TENM2: variants seen among roughly 807,000 people sequenced by gnomAD.
TENM2 encodes the protein teneurin-2.
Under a neutral mutation model 245.2 loss-of-function variants are expected in TENM2, and 52 were observed. That is an observed-to-expected ratio of 0.21 (90% CI 0.17 to 0.27). The LOEUF is 0.27. Among genes scored for constraint, TENM2 ranks in the 10% least tolerant of loss-of-function variants. TENM2 has a pLI of 1.00. For synonymous variants in TENM2, 1,363 were observed against 1,438.9 expected (o/e 0.95, Z 1.19); for missense variants, 3,046 against 3,666.8 (o/e 0.83, Z 4.37).
the TENM2 span, among the ~76,000 whole-genome samples, chr5:167,036,554 A>G: frequency 6.6e-6 from 1 of 152,198 alleles, no homozygotes; most frequent in African/African-American, 2.4e-5. Context: ...GGATTCTTAA[A>G]TTATATCAAT....
At chr5:167,808,756 C>T (rs1020560334) in intron 2 of TENM2, among the ~76,000 whole-genome samples, 2 of 151,978 alleles carry the variant, frequency 1.3e-5, no homozygotes, top group Non-Finnish European at 2.9e-5. Flanking sequence ...GTATCTTTGT[C>T]AATAATGCAA....
At chr5:167,413,284 A>T (rs1763001164) in intron 2 of TENM2, among the ~76,000 whole-genome samples, 1 of 152,112 alleles carries the variant, frequency 6.6e-6, no homozygotes, top group South Asian at 2.1e-4. Context: ...CTCTGAAATA[A>T]CATGTAGGTC....
chr5:167,015,714 TCA>T, the TENM2 span, among the ~76,000 whole-genome samples: 1 of 152,176 alleles, frequency 6.6e-6, no homozygotes, highest in African/African-American at 2.4e-5. Flanking sequence ...ACATTAACCA[TCA>T]CACACTGATC....
In TENM2 at chr5:168,262,978, G is replaced by A. The variant is rs1768347263; in HGVS notation, c.*168G>A. The A allele has an allele frequency of 3.1e-5, 19 of 617,558 alleles. No homozygotes were observed. The South Asian group carries it at 3.8e-4, about 12-fold the overall frequency. 38.3% of individuals were successfully genotyped at this position (617,558 alleles called of 1,614,324 possible). On this transcript the variant is annotated 3_prime_UTR_variant, in exon 29 of 29. Transcript: ENST00000518659. ...TGAGTTCAAATGCTACTGTCCAAGC[G>A]AGAAGTCCCTCATCCTGAAGTAGAC...
chr5:167,520,596 T>C (rs1169556731), intron 2 of TENM2, among the ~76,000 whole-genome samples: 5 of 152,042 alleles, frequency 3.3e-5, no homozygotes, highest in Non-Finnish European at 5.9e-5. Flanking sequence ...TGTTTAAAAA[T>C]AGATTGTTCC....
At chr5:167,256,905 A>G in the TENM2 span, among the ~76,000 whole-genome samples, 1 of 152,154 alleles carries the variant, frequency 6.6e-6, no homozygotes, top group East Asian at 1.9e-4. Flanking sequence ...AAGTGGTAAA[A>G]CAACTTATAG....
chr5:167,774,395 C>A (rs1763618082), intron 2 of TENM2, among the ~76,000 whole-genome samples: 1 of 152,114 alleles, frequency 6.6e-6, no homozygotes, highest in African/African-American at 2.4e-5. Flanking sequence ...CTTGCATTGC[C>A]AAATTAGTCC....
At chr5:167,476,374 G>A (rs1767373905) in intron 2 of TENM2, among the ~76,000 whole-genome samples, 1 of 152,122 alleles carries the variant, frequency 6.6e-6, no homozygotes, top group South Asian at 2.1e-4. Flanking sequence ...GAAAAATGTT[G>A]TTTCATTGAG....
chr5:167,261,905 G>C, the TENM2 span, among the ~76,000 whole-genome samples: 1 of 152,038 alleles, frequency 6.6e-6, no homozygotes, highest in Non-Finnish European at 1.5e-5. Flanking sequence ...TGTCCTCCAG[G>C]GGGAGACTCT....
chr5:167,977,202 G>A (rs1055903481), intron 4 of TENM2, among the ~76,000 whole-genome samples: 2 of 152,094 alleles, frequency 1.3e-5, no homozygotes, highest in African/African-American at 4.8e-5. Context: ...GAGAGGATCA[G>A]AAGAAAAAAT....
chr5:167,542,132 C>T (rs1184756771), intron 2 of TENM2, among the ~76,000 whole-genome samples: 1 of 152,112 alleles, frequency 6.6e-6, no homozygotes, highest in Non-Finnish European at 1.5e-5. Flanking sequence ...CCACCAATTG[C>T]ATAAGGTAAG....
chr5:168,192,053 T>G (rs1268875373), intron 14 of TENM2, among the ~76,000 whole-genome samples: 1 of 152,216 alleles, frequency 6.6e-6, no homozygotes, highest in Admixed American at 6.5e-5. Flanking sequence ...CTCTTCTATT[T>G]CAGCCCTGAT....
chr5:168,103,440 G>A (rs549169243), intron 9 of TENM2, among the ~76,000 whole-genome samples: 7 of 151,988 alleles, frequency 4.6e-5, no homozygotes, highest in East Asian at 3.9e-4. Flanking sequence ...GCATTTAATC[G>A]TCACGCCCCC....
chr5:167,394,141 A>C (rs913189012), intron 2 of TENM2, among the ~76,000 whole-genome samples: 3 of 152,224 alleles, frequency 2.0e-5, no homozygotes, highest in South Asian at 2.1e-4. Flanking sequence ...AGGTAGTCCC[A>C]CCTATTTTTG....
At chr5:167,126,185 A>G in the TENM2 span, among the ~76,000 whole-genome samples, 1 of 152,180 alleles carries the variant, frequency 6.6e-6, no homozygotes, top group Non-Finnish European at 1.5e-5. Context: ...AACTTGAGCC[A>G]TCCCTACAAT....
At chr5:167,413,270 A>G (rs1763000439) in intron 2 of TENM2, among the ~76,000 whole-genome samples, 1 of 152,138 alleles carries the variant, frequency 6.6e-6, no homozygotes, top group Admixed American at 6.6e-5. Context: ...TAATGTTAGT[A>G]TATCTCTGAA....
intron 1 of TENM2, among the ~76,000 whole-genome samples, chr5:167,304,408 C>A (rs1449739201): frequency 6.6e-6 from 1 of 152,194 alleles, no homozygotes; most frequent in Non-Finnish European, 1.5e-5. Context: ...TCAGCCTCTC[C>A]TTTCAATACA....
intron 2 of TENM2, among the ~76,000 whole-genome samples, chr5:167,489,550 A>G (rs886279217): frequency 2.6e-5 from 4 of 151,974 alleles, no homozygotes; most frequent in African/African-American, 9.7e-5. Flanking sequence ...CTCCCTCCCT[A>G]TCTCCTGCCT....
At chr5:167,096,491 A>G in the TENM2 span, among the ~76,000 whole-genome samples, 4 of 152,106 alleles carry the variant, frequency 2.6e-5, no homozygotes, top group African/African-American at 7.2e-5. Context: ...CTCTCTTTCC[A>G]GGCTTTCTTA....
Sources: gnomAD v4.1 joint callset for allele counts (sites outside exome capture counted in the v4.1 genomes callset) on GRCh38, gnomAD v4.1.1 for gene constraint, MANE v1.5 for transcripts, NCBI Gene and HGNC (gene_info 2026-07-23, HGNC 2026-07-21) for gene names.